Variants in RNF8 observed in about 807,000 individuals in gnomAD.
The protein encoded by RNF8 is E3 ubiquitin-protein ligase RNF8.
In RNF8, 8 loss-of-function variants were observed where a neutral mutation model predicts 59.3. The observed-to-expected ratio is 0.13, with a 90% CI of 0.08 to 0.24. RNF8 has a LOEUF of 0.24. Among genes scored for constraint, RNF8 ranks in the 10% least tolerant of loss-of-function variants. RNF8 has a pLI of 1.00. For missense variants in RNF8, 406 were observed against 572.6 expected, an observed-to-expected ratio of 0.71 and a Z score of 2.97; for synonymous variants, 162 against 200.0, an observed-to-expected ratio of 0.81 and a Z score of 1.60.
chr6:37,368,729 A>T lies in RNF8; in HGVS notation c.486A>T (p.Ala162=). 1 of 1,614,208 alleles carries T rather than the reference A, an allele frequency of 6.2e-7. No homozygotes were observed. Among genetic ancestry groups the T allele is most frequent in the Non-Finnish European group, 8.5e-7 (1 of 1,180,042 alleles). Reference sequence around the variant, plus strand: ...GGAAATTCAGTTTGGATGAATTAGCAGGTCCTGGAGCTGAAGGCCCCTCAA... The same window carrying T: ...GGAAATTCAGTTTGGATGAATTAGCTGGTCCTGGAGCTGAAGGCCCCTCAA... ...TKRKFSLDEL[A]GPGAEGPSNL... The change falls in exon 3 of 8, where the codon GCA becomes GCT. Residue 162 remains alanine (A), a synonymous_variant. Transcript: ENST00000373479.
At chr6:37,382,124 AG>A (rs1315234700) in intron 7 of RNF8, among the ~76,000 whole-genome samples, 1 of 152,188 alleles carries the variant, frequency 6.6e-6, no homozygotes, top group Non-Finnish European at 1.5e-5. Context: ...AGGCATCAGG[AG>A]AAAAAGTTAA....
At chr6:37,383,751 C>G (rs1304125816) in intron 7 of RNF8, among the ~76,000 whole-genome samples, 1 of 152,182 alleles carries the variant, frequency 6.6e-6, no homozygotes, top group Non-Finnish European at 1.5e-5. Context: ...GATGGATGCT[C>G]TGGAGCTAGG....
intron 2 of RNF8, among the ~76,000 whole-genome samples, chr6:37,363,431 C>T (rs1769406929): frequency 6.6e-6 from 1 of 152,128 alleles, no homozygotes; most frequent in South Asian, 2.1e-4. Context: ...TGCAGAACTC[C>T]AATAAGAAAA....
chr6:37,368,014 T>C (rs1374931154), intron 2 of RNF8, among the ~76,000 whole-genome samples: 3 of 152,222 alleles, frequency 2.0e-5, no homozygotes, highest in South Asian at 4.1e-4. Flanking sequence ...TCTCTTTTTT[T>C]TGGTTTATGT....
intron 6 of RNF8, among the ~76,000 whole-genome samples, chr6:37,380,395 G>T (rs1406104197): frequency 6.6e-6 from 1 of 152,052 alleles, no homozygotes; most frequent in African/African-American, 2.4e-5. Context: ...CCCAGGCCGG[G>T]CTTGGTGGCT....
At chr6:37,363,155 T>C (rs1164082455) in intron 2 of RNF8, among the ~76,000 whole-genome samples, 1 of 152,210 alleles carries the variant, frequency 6.6e-6, no homozygotes, top group East Asian at 1.9e-4. Context: ...GACTCTGGCA[T>C]TTGAAGTCCC....
chr6:37,389,551 G>A (rs1039179181), intron 7 of RNF8, among the ~76,000 whole-genome samples: 5 of 152,058 alleles, frequency 3.3e-5, no homozygotes, highest in East Asian at 3.9e-4. Context: ...AAAGGAGCCT[G>A]TACAGAAGGG....
chr6:37,385,309 G>A (rs1770450415), intron 7 of RNF8, among the ~76,000 whole-genome samples: 1 of 151,086 alleles, frequency 6.6e-6, no homozygotes, highest in South Asian at 2.1e-4. Context: ...CACCGCGCCT[G>A]GCTCTTAAGA....
intron 1 of RNF8, 92 bp downstream of exon 1, chr6:37,354,367 A>T: frequency 1.0e-6 from 1 of 996,476 alleles, no homozygotes; most frequent in East Asian, 2.7e-5. Flanking sequence ...GGGCTGAATG[A>T]ATGGCAGAGA....
At chr6:37,385,973 C>G (rs2113834531) in intron 7 of RNF8, among the ~76,000 whole-genome samples, 1 of 151,670 alleles carries the variant, frequency 6.6e-6, no homozygotes, top group Non-Finnish European at 1.5e-5. Context: ...TAGCTGGGAC[C>G]ACAGGCATGT....
intron 7 of RNF8, among the ~76,000 whole-genome samples, chr6:37,388,340 G>A (rs1770594277): frequency 6.6e-6 from 1 of 152,184 alleles, no homozygotes; most frequent in Non-Finnish European, 1.5e-5. Context: ...AGTAGTTGGA[G>A]CAGACAAATT....
intron 6 of RNF8, among the ~76,000 whole-genome samples, chr6:37,378,526 A>G (rs1770113712): frequency 6.8e-6 from 1 of 146,006 alleles, no homozygotes; most frequent in African/African-American, 2.6e-5. Flanking sequence ...GCTTGAACCC[A>G]GGAGGCAGAG....
rs1314396719 is a variant in RNF8 at position 37,369,106 on chromosome 6, T to A, written c.863T>A (p.Met288Lys). 1 of 1,613,978 alleles carries A rather than the reference T, an allele frequency of 6.2e-7. No homozygotes were observed. Among genetic ancestry groups the A allele is most frequent in the Non-Finnish European group, 8.5e-7 (1 of 1,180,038 alleles). The change falls in exon 3 of 8, where the codon ATG (methionine) becomes AAG (lysine). Residue 288 changes from methionine (M) to lysine (K), a missense_variant. This residue lies in a region of RNF8 where 285 missense variants were observed against 342.0 expected (regional missense o/e 0.83). Transcript: ENST00000373479. The part of the protein sequence containing the change: ...QKGNSKKVVQ[M>K]EQELQDLQSQ... ...GGGAACTCAAAGAAAGTTGTGCAAA[T>A]GGAGCAGGAACTTCAGGACTTACAG... is the stretch of plus-strand genomic sequence containing the variant.
intron 2 of RNF8, 83 bp from the exon 3 acceptor site, chr6:37,368,401 A>C: frequency 6.2e-7 from 1 of 1,612,566 alleles, no homozygotes. Flanking sequence ...AAAAGGCAGA[A>C]GATTTTACAG....
chr6:37,354,246 G>T lies in RNF8; in HGVS notation c.82G>T (p.Gly28Trp). 2 of 1,568,492 alleles carry T rather than the reference G, an allele frequency of 1.3e-6. No homozygotes were observed. The highest frequency in any genetic ancestry group is 8.6e-7 in the Non-Finnish European group (1 of 1,158,582). The change falls in exon 1 of 8, where the codon GGG (glycine) becomes TGG (tryptophan). Residue 28 changes from glycine (G) to tryptophan (W), a missense_variant. By Grantham distance (184) the Gly-to-Trp change is radical. Transcript: ENST00000373479. Reference sequence around the variant, plus strand: ...CCTGCGGCGGGTGGGGATGAGCGCCGGGTGGCTGCTGCTGGAAGATGGGTG... The same window carrying T: ...CCTGCGGCGGGTGGGGATGAGCGCCTGGTGGCTGCTGCTGGAAGATGGGTG... ...WCLRRVGMSA[G>W]WLLLEDGCEV...
intron 2 of RNF8, among the ~76,000 whole-genome samples, chr6:37,368,055 A>G (rs532616344): frequency 4.6e-5 from 7 of 152,350 alleles, no homozygotes; most frequent in African/African-American, 1.7e-4. Flanking sequence ...GCGTTAAGGA[A>G]CCACATCCAG....
intron 7 of RNF8, among the ~76,000 whole-genome samples, chr6:37,382,035 C>G (rs1770288412): frequency 6.6e-6 from 1 of 152,196 alleles, no homozygotes; most frequent in African/African-American, 2.4e-5. Context: ...CTTCCAAGAG[C>G]TACTTGATCT....
At chr6:37,370,871 T>G (rs1377411289) in intron 3 of RNF8, among the ~76,000 whole-genome samples, 3 of 152,058 alleles carry the variant, frequency 2.0e-5, no homozygotes, top group African/African-American at 7.2e-5. Flanking sequence ...TATAGTAAAT[T>G]AGAGAACAAT....
At chr6:37,366,579 G>A (rs1281202136) in intron 2 of RNF8, among the ~76,000 whole-genome samples, 1 of 152,214 alleles carries the variant, frequency 6.6e-6, no homozygotes, top group African/African-American at 2.4e-5. Context: ...TGTAAACCAA[G>A]TAATGGAAGA....
Sources: allele counts gnomAD v4.1 joint callset (sites outside exome capture counted in the v4.1 genomes callset), GRCh38; gene constraint gnomAD v4.1.1; regional missense constraint gnomAD v4.1.1; transcripts MANE v1.5; gene names NCBI Gene and HGNC (gene_info 2026-07-23, HGNC 2026-07-21).